The following GRIP1 variants were observed in gnomAD, a reference collection of about 807,000 sequenced individuals.
GRIP1 encodes the protein glutamate receptor interacting protein 1.
In GRIP1, 45 loss-of-function variants were observed where a neutral mutation model predicts 129.9. The observed-to-expected ratio is 0.35, with a 90% CI of 0.27 to 0.44. The LOEUF (loss-of-function observed/expected upper bound fraction) is 0.44. Ranked by LOEUF, GRIP1 falls within the 20% of genes least tolerant of loss-of-function variation. GRIP1 has a pLI of 1.00. For missense variants in GRIP1, 1,196 were observed against 1,396.8 expected, an observed-to-expected ratio of 0.86 and a Z score of 2.29; for synonymous variants, 530 against 520.8, an observed-to-expected ratio of 1.02 and a Z score of -0.24.
intron 1 of GRIP1, among the ~76,000 whole-genome samples, chr12:66,622,705 A>G (rs540519511): frequency 6.6e-6 from 1 of 151,978 alleles, no homozygotes; most frequent in Non-Finnish European, 1.5e-5. Flanking sequence ...TTTTAGTTTC[A>G]TTTCCCCCTT....
intron 11 of GRIP1, among the ~76,000 whole-genome samples, chr12:66,451,383 GTTTTTTTTTTTTTTTTTTTTTTTT>G (rs1169331519): frequency 9.4e-5 from 4 of 42,656 alleles, no homozygotes; most frequent in East Asian, 1.3e-3. Flanking sequence ...ATTATAATCT[GTTTTTTTTTTTTTTTTTTTTTTTT>G]TTTTTTTTTT....
intron 1 of GRIP1, among the ~76,000 whole-genome samples, chr12:66,890,247 T>C (rs1378506230): frequency 3.9e-5 from 6 of 152,268 alleles, no homozygotes; most frequent in African/African-American, 1.4e-4. Context: ...GAACTTAAAA[T>C]GCTCGTGAAC....
At chr12:66,716,490 CT>C (rs563110134) in intron 1 of GRIP1, among the ~76,000 whole-genome samples, 140 of 139,182 alleles carry the variant, frequency 1.0e-3, no homozygotes, top group South Asian at 6.9e-3. Context: ...CTTTAGGTTT[CT>C]TTTTTTTTTT....
intron 5 of GRIP1, among the ~76,000 whole-genome samples, chr12:66,528,146 T>G (rs3087289): frequency 5.6e-5 from 2 of 35,922 alleles, no homozygotes; most frequent in Admixed American, 3.0e-4. Flanking sequence ...TTTTTTTTTT[T>G]TTTTTTGAGA....
At chr12:66,456,077 C>T (rs996785797) in intron 10 of GRIP1, 110 bp downstream of exon 10, 27 of 582,246 alleles carry the variant, frequency 4.6e-5, no homozygotes, top group Non-Finnish European at 7.3e-5. Context: ...TAAATTGCTA[C>T]TATAAGAAAC....
At chr12:67,061,420 T>C (rs1286508481) in intron 1 of GRIP1, among the ~76,000 whole-genome samples, 2 of 152,232 alleles carry the variant, frequency 1.3e-5, no homozygotes, top group Non-Finnish European at 2.9e-5. Flanking sequence ...GGTCTATACC[T>C]AGGCCAAATA....
intron 1 of GRIP1, among the ~76,000 whole-genome samples, chr12:66,873,298 T>C (rs1232367559): frequency 6.6e-6 from 1 of 152,074 alleles, no homozygotes; most frequent in Non-Finnish European, 1.5e-5. Flanking sequence ...TACCTCCTGA[T>C]GGGGAAGTGG....
At chr12:66,943,101 CT>C (rs2041613148) in intron 1 of GRIP1, among the ~76,000 whole-genome samples, 1 of 152,176 alleles carries the variant, frequency 6.6e-6, no homozygotes, top group Admixed American at 6.5e-5. Flanking sequence ...TTGGGAGATT[CT>C]TTTGTTGCTA....
chr12:67,059,206 T>C lies in GRIP1; in HGVS notation c.58+9844A>G, dbSNP rs555998508. ...ATTCAGAGAAAACAGTTAAGCACTC[T>C]CTGGCTGCCAGGAGAGATACAGAAA... On this transcript the variant is annotated intron_variant, in intron 1 of 1. Transcript: ENST00000643019. Among the ~76,000 whole-genome samples the C allele has an allele frequency of 2.2e-4, 34 of 152,308 alleles. 1 individual carries two copies. The highest frequency in any genetic ancestry group is 7.9e-4 in the African/African-American group (33 of 41,568).
intron 1 of GRIP1, among the ~76,000 whole-genome samples, chr12:67,002,823 G>A (rs1162738221): frequency 6.6e-6 from 1 of 151,764 alleles, no homozygotes; most frequent in Non-Finnish European, 1.5e-5. Flanking sequence ...ACTTCTCTAA[G>A]TAAAGAAGTC....
At chr12:66,907,706 G>C (rs1939482974) in intron 1 of GRIP1, among the ~76,000 whole-genome samples, 1 of 152,156 alleles carries the variant, frequency 6.6e-6, no homozygotes, top group Non-Finnish European at 1.5e-5. Flanking sequence ...GAAGGGGGTA[G>C]TGTGAAGAAA....
intron 12 of GRIP1, 41 bp from the exon 13 acceptor site, chr12:66,444,770 A>G: frequency 2.5e-6 from 4 of 1,605,648 alleles, no homozygotes; most frequent in Non-Finnish European, 3.4e-6. Context: ...GATGGAGTAA[A>G]TAATTACCAA....
At chr12:66,598,206 C>A (rs1383831383) in intron 1 of GRIP1, among the ~76,000 whole-genome samples, 1 of 152,128 alleles carries the variant, frequency 6.6e-6, no homozygotes, top group East Asian at 1.9e-4. Context: ...GAACTCATTT[C>A]CTCTCTAGGA....
At chr12:66,405,307 T>C (rs1252929380) in intron 16 of GRIP1, among the ~76,000 whole-genome samples, 2 of 152,166 alleles carry the variant, frequency 1.3e-5, no homozygotes, top group East Asian at 1.9e-4. Flanking sequence ...ACCCACGAGA[T>C]TGGCAAAATT....
At chr12:66,483,817 C>T (rs895927183) in intron 7 of GRIP1, among the ~76,000 whole-genome samples, 3 of 152,184 alleles carry the variant, frequency 2.0e-5, no homozygotes, top group East Asian at 1.9e-4. Context: ...AATCCCCCTA[C>T]TCCTTTACAT....
chr12:66,574,456 A>T (rs1290135962), intron 2 of GRIP1, among the ~76,000 whole-genome samples: 2 of 152,190 alleles, frequency 1.3e-5, no homozygotes, highest in African/African-American at 4.8e-5. Context: ...ATTTCACCTA[A>T]ATTGGATTGA....
At chr12:67,033,271 G>GTATATATATATATATATA (rs3051221) in intron 1 of GRIP1, among the ~76,000 whole-genome samples, 19 of 143,032 alleles carry the variant, frequency 1.3e-4, no homozygotes, top group East Asian at 4.0e-4. Flanking sequence ...AAGACTACAT[G>GTATATATATATATATATA]TATATATATA....
chr12:66,494,306 T>C (rs1420587318), intron 7 of GRIP1, among the ~76,000 whole-genome samples: 8 of 152,236 alleles, frequency 5.3e-5, no homozygotes, highest in Non-Finnish European at 7.3e-5. Flanking sequence ...TTTATTTTTG[T>C]AAGAATATTA....
At chr12:67,051,309 T>C (rs566781301) in intron 1 of GRIP1, among the ~76,000 whole-genome samples, 2 of 152,228 alleles carry the variant, frequency 1.3e-5, no homozygotes, top group Admixed American at 6.5e-5. Flanking sequence ...ATTCATCTAC[T>C]AGAGGTAGGG....
Sources: allele counts gnomAD v4.1 joint callset (sites outside exome capture counted in the v4.1 genomes callset), GRCh38; gene constraint gnomAD v4.1.1; transcripts MANE v1.5; gene names NCBI Gene and HGNC (gene_info 2026-07-23, HGNC 2026-07-21).